RASSF6: variants seen among roughly 807,000 people sequenced by gnomAD.
RASSF6 encodes Ras association domain family member 6.
A neutral mutation model predicts 44.0 loss-of-function variants in RASSF6; 52 were observed. The ratio of observed to expected loss-of-function variants is 1.18; its 90% CI spans 0.95 to 1.49. RASSF6 has a LOEUF of 1.49. RASSF6 is among the 40% of genes most tolerant of loss of function. RASSF6 has a pLI of 0.00. For missense variants in RASSF6, 464 were observed against 393.3 expected, an observed-to-expected ratio of 1.18 and a Z score of -1.52; for synonymous variants, 162 against 124.6, an observed-to-expected ratio of 1.30 and a Z score of -2.00.
At chr4:73,619,287 CT>C (rs1352555105) in intron 1 of RASSF6, among the ~76,000 whole-genome samples, 2 of 152,152 alleles carry the variant, frequency 1.3e-5, no homozygotes, top group African/African-American at 4.8e-5. Context: ...GCAAATATGT[CT>C]GAATTTGCCA....
intron 6 of RASSF6, among the ~76,000 whole-genome samples, chr4:73,584,706 G>A (rs1425139306): frequency 1.3e-5 from 2 of 151,974 alleles, no homozygotes; most frequent in African/African-American, 4.8e-5. Context: ...ATTATTGTTG[G>A]TATGTTGGTT....
At chr4:73,593,042 G>A (rs1724677455) in intron 4 of RASSF6, among the ~76,000 whole-genome samples, 2 of 140,040 alleles carry the variant, frequency 1.4e-5, no homozygotes, top group Non-Finnish European at 3.1e-5. Flanking sequence ...TTTTTTCAAA[G>A]TCTCACTCTG....
At chr4:73,605,980 T>A (rs889870472) in intron 2 of RASSF6, among the ~76,000 whole-genome samples, 3 of 152,212 alleles carry the variant, frequency 2.0e-5, no homozygotes, top group Non-Finnish European at 4.4e-5. Flanking sequence ...TGTAAATTAG[T>A]CTAGTCACTG....
In RASSF6 at chr4:73,576,496, G is replaced by T. The variant is rs1217557675; in HGVS notation, c.852C>A (p.Tyr284Ter). 1.3e-6 allele frequency: 2 copies of T among 1,576,036 alleles called. No individual in the cohort carries two copies. Among genetic ancestry groups the T allele is most frequent in the Non-Finnish European group, 1.7e-6 (2 of 1,159,206 alleles). ...AEEISSDVAQ[Y>*]INFHFSLLES... Reference sequence around the variant, plus strand: ...CCAAGAGAGAAAAGTGAAAGTTAATGTACTGAGCCACCTAAGAAAGAAGAA... The same window carrying T: ...CCAAGAGAGAAAAGTGAAAGTTAATTTACTGAGCCACCTAAGAAAGAAGAA... Residue 284 changes from tyrosine (Y) to a stop codon, truncating the protein, a stop_gained, in exon 10 of 11, where the codon TAC becomes TAA. Transcript: ENST00000307439. LOFTEE classifies it high-confidence loss of function.
At chr4:73,605,004 C>G (rs1045983664) in intron 2 of RASSF6, among the ~76,000 whole-genome samples, 1 of 151,622 alleles carries the variant, frequency 6.6e-6, no homozygotes, top group African/African-American at 2.4e-5. Context: ...ATTCTCTTGC[C>G]TCAGCCTCCC....
chr4:73,620,530 A>T (rs1417224092), upstream of RASSF6: 7 of 1,475,918 alleles, frequency 4.7e-6, no homozygotes, highest in Non-Finnish European at 6.3e-6. Context: ...AGTGCCCCCG[A>T]CGCGATCAGC....
chr4:73,593,572 C>T lies in RASSF6; in HGVS notation c.166G>A (p.Val56Ile), dbSNP rs769149093. 7.4e-6 allele frequency: 12 copies of T among 1,613,386 alleles called. 1 individual carries two copies. In the South Asian group the frequency reaches 1.1e-4, roughly 15 times the overall value. Residue 56 changes from valine to isoleucine, a missense_variant, in exon 4 of 11, where the codon GTT (valine) becomes ATT (isoleucine). By Grantham distance (29) the Val-to-Ile change is conservative. Transcript: ENST00000307439. ...YGETEDGKLI[V>I]EGMLDIFWGV... ...CAGAAAATGTCCAGCATTCCTTCAA[C>T]AATTAGTTTGCCATCTTCAGTCTAA...
chr4:73,593,576 T>G lies in RASSF6; in HGVS notation c.162A>C (p.Leu54=), dbSNP rs367662558. The change falls in exon 4 of 11, where the codon CTA becomes CTC. Residue 54 remains leucine, a synonymous_variant. Coordinates refer to ENST00000307439, the MANE Select transcript of RASSF6 (RefSeq NM_177532.5). ...ILYGETEDGK[L]IVEGMLDIFW... ...AAATGTCCAGCATTCCTTCAACAAT[T>G]AGTTTGCCATCTTCAGTCTAAGGAA... is the stretch of plus-strand genomic sequence containing the variant. 1.2e-6 allele frequency: 2 copies of G among 1,613,534 alleles called. No individual in the cohort carries two copies. The highest frequency in any genetic ancestry group is 1.3e-5 in the African/African-American group (1 of 75,030).
chr4:73,614,488 A>G (rs1726220544), intron 1 of RASSF6, among the ~76,000 whole-genome samples: 1 of 152,214 alleles, frequency 6.6e-6, no homozygotes, highest in Non-Finnish European at 1.5e-5. Flanking sequence ...ACCATCTAAG[A>G]ACCAGACAGC....
chr4:73,610,830 A>G (rs1332886571), intron 2 of RASSF6, among the ~76,000 whole-genome samples: 1 of 152,162 alleles, frequency 6.6e-6, no homozygotes, highest in Non-Finnish European at 1.5e-5. Context: ...CATGAGAGTA[A>G]GGGTTTTGTT....
At chr4:73,587,234 A>G (rs182855819) in intron 5 of RASSF6, among the ~76,000 whole-genome samples, 151 of 152,200 alleles carry the variant, frequency 9.9e-4, no homozygotes, top group African/African-American at 3.2e-3. Context: ...GATTATAACT[A>G]CTAATGTCAC....
At position 73,573,837 on chromosome 4, in the gene RASSF6, T is replaced by C. The variant is rs941876104; in HGVS notation, c.*2398A>G. 2 of 152,198 alleles carry C rather than the reference T, an allele frequency of 1.3e-5. No individual in the cohort carries two copies. The highest frequency in any genetic ancestry group is 2.9e-5 in the Non-Finnish European group (2 of 68,044). The allele number at this position is 152,198 out of a possible 1,614,324, so 9.4% of individuals were successfully genotyped here. A position where few individuals can be genotyped will look rare whatever the true frequency, so the allele number is the denominator to read the frequency against. Reference sequence around the variant, plus strand: ...CCGCTCCGTGAAAATAGATATAGACTCTTGAAATGTTTCCTTTGCAGCTTG... The same window carrying C: ...CCGCTCCGTGAAAATAGATATAGACCCTTGAAATGTTTCCTTTGCAGCTTG... On this transcript the variant is annotated 3_prime_UTR_variant, in exon 11 of 11. Coordinates refer to ENST00000307439, the MANE Select transcript of RASSF6 (RefSeq NM_177532.5).
intron 2 of RASSF6, among the ~76,000 whole-genome samples, chr4:73,603,623 G>A (rs914904792): frequency 2.0e-5 from 3 of 152,166 alleles, no homozygotes; most frequent in Non-Finnish European, 4.4e-5. Context: ...AATTGCAGCT[G>A]CTCAGCCTAT....
intron 1 of RASSF6, among the ~76,000 whole-genome samples, chr4:73,613,951 G>A (rs911283689): frequency 3.9e-5 from 6 of 152,164 alleles, no homozygotes; most frequent in African/African-American, 1.2e-4. Flanking sequence ...AGCTCCAGAC[G>A]CATGTCACCA....
At chr4:73,604,824 A>G (rs1337795225) in intron 2 of RASSF6, among the ~76,000 whole-genome samples, 1 of 152,084 alleles carries the variant, frequency 6.6e-6, no homozygotes, top group African/African-American at 2.4e-5. Flanking sequence ...GCTGGGAATT[A>G]AGGTTGTGAT....
chr4:73,614,971 A>G (rs1261134078), intron 1 of RASSF6, among the ~76,000 whole-genome samples: 2 of 152,234 alleles, frequency 1.3e-5, no homozygotes, highest in East Asian at 3.8e-4. Context: ...CTGAAAGGTA[A>G]GAACATGCTT....
intron 2 of RASSF6, among the ~76,000 whole-genome samples, chr4:73,603,022 A>C (rs1362737943): frequency 1.3e-5 from 2 of 152,110 alleles, no homozygotes; most frequent in African/African-American, 4.8e-5. Flanking sequence ...CGGGAGGCGG[A>C]GCTTGCAGTG....
At chr4:73,602,800 A>G (rs1725361506) in intron 2 of RASSF6, among the ~76,000 whole-genome samples, 1 of 152,170 alleles carries the variant, frequency 6.6e-6, no homozygotes, top group Non-Finnish European at 1.5e-5. Context: ...AAATAGACAC[A>G]AGTTTCGGCC....
At chr4:73,608,489 T>A (rs1381102641) in intron 2 of RASSF6, among the ~76,000 whole-genome samples, 2 of 152,184 alleles carry the variant, frequency 1.3e-5, no homozygotes, top group Non-Finnish European at 2.9e-5. Flanking sequence ...AAATAACAGA[T>A]GTGATACCCA....
Sources: gnomAD v4.1 joint callset for allele counts (sites outside exome capture counted in the v4.1 genomes callset) on GRCh38, gnomAD v4.1.1 for gene constraint, MANE v1.5 for transcripts, NCBI Gene and HGNC (gene_info 2026-07-23, HGNC 2026-07-21) for gene names.